The following ZGPAT variants were observed in gnomAD, a reference collection of about 807,000 sequenced individuals.
ZGPAT encodes the protein zinc finger CCCH-type with G patch domain-containing protein.
ZGPAT carries 39 observed loss-of-function variants against 47.9 expected under a neutral mutation model. The ratio of observed to expected loss-of-function variants is 0.81; its 90% CI spans 0.63 to 1.06. The LOEUF is 1.06. Ranked by LOEUF, ZGPAT falls within the 50% of genes least tolerant of loss-of-function variation. The probability of loss-of-function intolerance (pLI) is 0.00; values close to 1 mark genes in which losing one functional copy is unlikely to be tolerated. For synonymous variants in ZGPAT, 348 were observed against 292.9 expected, an observed-to-expected ratio of 1.19 and a Z score of -1.92; for missense variants, 717 against 681.4, an observed-to-expected ratio of 1.05 and a Z score of -0.58.
chr20:63,721,758 G>C (rs1180909504), intron 2 of ZGPAT, among the ~76,000 whole-genome samples: 1 of 152,136 alleles, frequency 6.6e-6, no homozygotes, highest in African/African-American at 2.4e-5. Flanking sequence ...GCTCATACCT[G>C]TTATCCCAGC....
Position 63,735,418 on chromosome 20 carries a change from G to A in ZGPAT, c.1251G>A (p.Ala417=), listed in dbSNP as rs768699833. 154 of 1,571,198 alleles carry A rather than the reference G, an allele frequency of 9.8e-5. No individual in the cohort carries two copies. In the South Asian group the frequency reaches 1.5e-3, roughly 16 times the overall value. ...CCCTAGAAGCCGGGGCGGCCCCAGC[G>A]GGGAGGAGGAGCAAGGACATGTACC... ...PGALEAGAAP[A]GRRSKDMYHA... Residue 417 remains alanine (A), a synonymous_variant, in exon 6 of 7, where the codon GCG becomes GCA. Coordinates refer to ENST00000355969, the MANE Select transcript of ZGPAT (RefSeq NM_181485.3).
chr20:63,725,049 A>G (rs1161229089), intron 2 of ZGPAT, among the ~76,000 whole-genome samples: 1 of 142,354 alleles, frequency 7.0e-6, no homozygotes, highest in Non-Finnish European at 1.5e-5. Context: ...CAGTGGCACG[A>G]TCTCGGCTCA....
intron 2 of ZGPAT, among the ~76,000 whole-genome samples, chr20:63,731,770 G>A (rs983857117): frequency 6.6e-6 from 1 of 152,178 alleles, no homozygotes; most frequent in Non-Finnish European, 1.5e-5. Context: ...GTATCTGCAG[G>A]TTCCATATCC....
At chr20:63,732,952 GTGTA>G (rs1280907639) in intron 2 of ZGPAT, among the ~76,000 whole-genome samples, 5 of 151,810 alleles carry the variant, frequency 3.3e-5, no homozygotes, top group Admixed American at 6.5e-5. Flanking sequence ...GTGTATATAT[GTGTA>G]TGTGTGAGTG....
intron 4 of ZGPAT, 120 bp from the exon 5 acceptor site, chr20:63,734,585 G>A: frequency 6.6e-7 from 1 of 1,522,188 alleles, no homozygotes; most frequent in African/African-American, 1.4e-5. Context: ...TCAAAGCCCG[G>A]GTCACCATGC....
In ZGPAT at chr20:63,708,909, G is replaced by A. The variant is rs540416144; in HGVS notation, c.329G>A (p.Gly110Glu). The change falls in exon 2 of 7, where the codon GGG becomes GAG. Residue 110 changes from glycine (G) to glutamate (E), a missense_variant. Physicochemically the swap from Gly to Glu is moderately conservative, Grantham distance 98. Coordinates refer to ENST00000355969, the MANE Select transcript of ZGPAT (RefSeq NM_181485.3). ...GAGACCGTTCCTAAAGCAGAGGCGG[G>A]GCCAGAATCTGCGGCAGGTGGGCAG... ...GSETVPKAEA[G>E]PESAAGGQEE... 2.3e-5 allele frequency: 37 copies of A among 1,612,084 alleles called. No individual in the cohort carries two copies. The highest frequency in any genetic ancestry group is 3.1e-5 in the Non-Finnish European group (37 of 1,179,334).
Position 63,735,282 on chromosome 20 carries a change from CCAA to C in ZGPAT, c.1119_1121del (p.Asn373del), listed in dbSNP as rs774079739. The C allele has an allele frequency of 3.4e-5, 55 of 1,605,904 alleles. No individual in the cohort carries two copies. The highest frequency in any genetic ancestry group is 2.6e-5 in the Non-Finnish European group (30 of 1,176,294). ...CAGACCAGGGTTGGCAAGGCTGGCA[CCAA>C]CAAGCCCCCCAGGTGCCGGGGAAGA... On this transcript the variant is annotated inframe_deletion, in exon 6 of 7. Transcript: ENST00000355969.
At chr20:63,735,614 C>T (rs1305915780) in intron 6 of ZGPAT, 50 bp downstream of exon 6, 3 of 1,498,914 alleles carry the variant, frequency 2.0e-6, no homozygotes, top group Middle Eastern at 1.8e-4. Flanking sequence ...GGTGGCCCTG[C>T]CCCCGGGATA....
chr20:63,715,244 C>CTTT (rs34013765), intron 2 of ZGPAT, among the ~76,000 whole-genome samples: 2 of 136,746 alleles, frequency 1.5e-5, no homozygotes, highest in African/African-American at 2.7e-5. Flanking sequence ...TTTTCTTTTT[C>CTTT]TTTTTTTTTT....
intron 6 of ZGPAT, 89 bp from the exon 7 acceptor site, chr20:63,735,692 G>A (rs1395985284): frequency 2.8e-5 from 43 of 1,532,308 alleles, no homozygotes; most frequent in South Asian, 1.9e-4. Context: ...GTTGGAGGAC[G>A]GGCAGCGGGC....
intron 2 of ZGPAT, among the ~76,000 whole-genome samples, chr20:63,729,419 G>A (rs1490443673): frequency 6.6e-6 from 1 of 152,214 alleles, no homozygotes; most frequent in Non-Finnish European, 1.5e-5. Context: ...TCAGGGTTAA[G>A]TCTTTACTAA....
chr20:63,726,609 G>A (rs757206969), intron 2 of ZGPAT, among the ~76,000 whole-genome samples: 15 of 151,520 alleles, frequency 9.9e-5, no homozygotes, highest in Admixed American at 7.2e-4. Flanking sequence ...TGCAACCTCC[G>A]CCTCCCAGGC....
At chr20:63,734,612 G>T in intron 4 of ZGPAT, 93 bp from the exon 5 acceptor site, 1 of 1,564,690 alleles carries the variant, frequency 6.4e-7, no homozygotes, top group Non-Finnish European at 8.7e-7. Context: ...CTCTGGCCTG[G>T]CTGGGCCACT....
Position 63,709,954 on chromosome 20 carries a change from G to T in ZGPAT, c.584+790G>T, listed in dbSNP as rs1411528182. 3.3e-5 allele frequency among the ~76,000 whole-genome samples: 5 copies of T among 151,940 alleles called. 1 individual carries two copies. Among genetic ancestry groups the T allele is most frequent in the Admixed American group, 2.0e-4 (3 of 15,260 alleles). On this transcript the variant is annotated intron_variant, in intron 2 of 6. Transcript: ENST00000355969. ...CGGCTCACTGCAAGCTCCGCCTCCC[G>T]GGTTCACGCCATTCTCCTGCCTCAG...
chr20:63,709,018 G>T lies in ZGPAT; in HGVS notation c.438G>T (p.Glu146Asp). Residue 146 changes from glutamate to aspartate, a missense_variant, in exon 2 of 7, where the codon GAG becomes GAT. Glu to Asp is a conservative substitution (Grantham distance 45). Transcript: ENST00000355969. ...ACTACAGCTCCTGGGGCACTCTGGA[G>T]TATCACAACGCCATGGTGGTGGGAA... is the stretch of plus-strand genomic sequence containing the variant. ...APYYSSWGTLEYHNAMVVGTE... is the reference protein window; with the variant it reads ...APYYSSWGTLDYHNAMVVGTE... 2.5e-6 allele frequency: 4 copies of T among 1,613,702 alleles called. No individual in the cohort carries two copies. The highest frequency in any genetic ancestry group is 3.4e-6 in the Non-Finnish European group (4 of 1,180,018).
intron 2 of ZGPAT, among the ~76,000 whole-genome samples, chr20:63,711,821 C>T (rs1488821492): frequency 6.6e-6 from 1 of 152,128 alleles, no homozygotes; most frequent in African/African-American, 2.4e-5. Flanking sequence ...CTCTTGACCT[C>T]AGGTGATCCC....
intron 2 of ZGPAT, among the ~76,000 whole-genome samples, chr20:63,732,658 G>GTA (rs2091926452): frequency 6.9e-6 from 1 of 145,568 alleles, no homozygotes; most frequent in African/African-American, 2.6e-5. Flanking sequence ...TAATGTGTGT[G>GTA]TACATGTGTA....
intron 2 of ZGPAT, among the ~76,000 whole-genome samples, chr20:63,727,680 A>AG (rs2091859200): frequency 6.6e-6 from 1 of 151,538 alleles, no homozygotes; most frequent in African/African-American, 2.4e-5. Flanking sequence ...AAAAAAAAAA[A>AG]AAAAAAAAAA....
intron 2 of ZGPAT, among the ~76,000 whole-genome samples, chr20:63,730,922 T>TTTCTC (rs1200804650): frequency 8.0e-6 from 1 of 124,532 alleles, no homozygotes; most frequent in Non-Finnish European, 1.7e-5. Flanking sequence ...TTCCTCTTCA[T>TTTCTC]TCTCTCTCTC....
Sources: gnomAD v4.1 joint callset for allele counts (sites outside exome capture counted in the v4.1 genomes callset) on GRCh38, gnomAD v4.1.1 for gene constraint, MANE v1.5 for transcripts, NCBI Gene and HGNC (gene_info 2026-07-23, HGNC 2026-07-21) for gene names.